C8orf34: variants seen among roughly 807,000 people sequenced by gnomAD.
C8orf34 encodes the protein chromosome 8 open reading frame 34.
C8orf34 carries 65 observed loss-of-function variants against 68.3 expected under a neutral mutation model. The ratio of observed to expected loss-of-function variants is 0.95; its 90% CI spans 0.78 to 1.17. C8orf34 has a LOEUF of 1.17. Among genes scored for constraint, C8orf34 ranks in the 50% most tolerant of loss-of-function variants. The pLI, the probability that C8orf34 is intolerant of heterozygous loss-of-function variation, is 0.00. For synonymous variants in C8orf34, 244 were observed against 241.2 expected, an observed-to-expected ratio of 1.01 and a Z score of -0.11; for missense variants, 664 against 655.4, an observed-to-expected ratio of 1.01 and a Z score of -0.14.
intron 3 of C8orf34, among the ~76,000 whole-genome samples, chr8:68,461,763 G>A (rs1015727111): frequency 2.6e-5 from 4 of 152,122 alleles, no homozygotes; most frequent in East Asian, 1.9e-4. Flanking sequence ...TCACCACCAG[G>A]CCTGCCCTAC....
intron 7 of C8orf34, among the ~76,000 whole-genome samples, chr8:68,622,256 T>C (rs1237435754): frequency 1.3e-5 from 2 of 152,188 alleles, no homozygotes; most frequent in Non-Finnish European, 2.9e-5. Flanking sequence ...TGTAACTGAA[T>C]CACAGAAGTG....
At chr8:68,810,527 C>T (rs1412551620) in intron 12 of C8orf34, among the ~76,000 whole-genome samples, 3 of 152,122 alleles carry the variant, frequency 2.0e-5, no homozygotes, top group African/African-American at 7.2e-5. Flanking sequence ...TCTCGTAGCC[C>T]GCAAGGTGGT....
intron 1 of C8orf34, among the ~76,000 whole-genome samples, chr8:68,409,624 A>T (rs1014193091): frequency 6.6e-6 from 1 of 152,192 alleles, no homozygotes; most frequent in Admixed American, 6.5e-5. Flanking sequence ...CAGTAAGCTA[A>T]GGTTCCTTAA....
chr8:68,747,170 G>A (rs961348663), intron 10 of C8orf34, among the ~76,000 whole-genome samples: 4 of 152,030 alleles, frequency 2.6e-5, no homozygotes, highest in Non-Finnish European at 5.9e-5. Context: ...AAAGGCCTTT[G>A]ACAAAATTCA....
At chr8:68,435,270 GTATA>G (rs576261886) in intron 1 of C8orf34, among the ~76,000 whole-genome samples, 2,414 of 151,524 alleles carry the variant, frequency 0.016, 83 homozygotes, top group African/African-American at 0.054. Context: ...CTTTTTGGGA[GTATA>G]TCACTAAGAG....
intron 8 of C8orf34, among the ~76,000 whole-genome samples, chr8:68,651,164 T>C (rs1483013419): frequency 1.3e-5 from 2 of 152,236 alleles, no homozygotes. Context: ...ATGTGTTTAC[T>C]TTATCTACCT....
intron 7 of C8orf34, among the ~76,000 whole-genome samples, chr8:68,579,896 A>G (rs545676055): frequency 5.3e-5 from 8 of 152,176 alleles, no homozygotes; most frequent in Non-Finnish European, 7.4e-5. Flanking sequence ...CACATTCTCA[A>G]CTTAGCACTC....
intron 3 of C8orf34, among the ~76,000 whole-genome samples, chr8:68,454,015 C>T (rs1401286481): frequency 6.6e-6 from 1 of 151,864 alleles, no homozygotes; most frequent in Admixed American, 6.6e-5. Flanking sequence ...AGTGCTTTTT[C>T]TCGATCAATT....
chr8:68,499,242 T>C (rs750053914), intron 5 of C8orf34, among the ~76,000 whole-genome samples: 5 of 152,174 alleles, frequency 3.3e-5, no homozygotes, highest in Non-Finnish European at 7.4e-5. Flanking sequence ...TCCATGTTGT[T>C]GCAAAGGACA....
intron 4 of C8orf34, among the ~76,000 whole-genome samples, chr8:68,478,543 C>T (rs1812720897): frequency 6.6e-6 from 1 of 152,150 alleles, no homozygotes; most frequent in Non-Finnish European, 1.5e-5. Context: ...CCCCAAACTC[C>T]CAGTATCAAT....
chr8:68,791,485 A>G (rs142888688), intron 12 of C8orf34: 2 of 152,534 alleles, frequency 1.3e-5, no homozygotes, highest in African/African-American at 4.8e-5. Context: ...TGCTTACAAA[A>G]TCAAAACACA....
intron 6 of C8orf34, among the ~76,000 whole-genome samples, chr8:68,522,616 T>C (rs1347007657): frequency 1.3e-5 from 2 of 152,198 alleles, no homozygotes; most frequent in Non-Finnish European, 2.9e-5. Flanking sequence ...CTGGTAATAG[T>C]GAATTAATGT....
chr8:68,409,908 A>C (rs1046965228), intron 1 of C8orf34, among the ~76,000 whole-genome samples: 2 of 152,190 alleles, frequency 1.3e-5, no homozygotes, highest in African/African-American at 4.8e-5. Flanking sequence ...ACCACTGTGT[A>C]ATAATTGCCT....
chr8:68,715,077 A>C (rs1210719647), intron 9 of C8orf34, among the ~76,000 whole-genome samples: 1 of 152,180 alleles, frequency 6.6e-6, no homozygotes, highest in Non-Finnish European at 1.5e-5. Context: ...AGCCACATGT[A>C]GAAGAATGAA....
At chr8:68,811,648 T>G (rs1824656273) in intron 12 of C8orf34, among the ~76,000 whole-genome samples, 1 of 152,168 alleles carries the variant, frequency 6.6e-6, no homozygotes, top group Non-Finnish European at 1.5e-5. Context: ...GCATTCCATT[T>G]CTCCTTAAAG....
At chr8:68,433,930 T>A (rs997693255) in intron 1 of C8orf34, among the ~76,000 whole-genome samples, 4 of 152,196 alleles carry the variant, frequency 2.6e-5, no homozygotes, top group Non-Finnish European at 5.9e-5. Context: ...TAGTTAGTAT[T>A]CATTTTCCAG....
intron 1 of C8orf34, among the ~76,000 whole-genome samples, chr8:68,386,822 T>C (rs1251821920): frequency 2.0e-5 from 3 of 152,058 alleles, no homozygotes; most frequent in Non-Finnish European, 4.4e-5. Flanking sequence ...TCCTGGGCAC[T>C]GTAGGATGTT....
intron 8 of C8orf34, among the ~76,000 whole-genome samples, chr8:68,702,476 T>A (rs149744796): frequency 6.6e-6 from 1 of 152,286 alleles, no homozygotes; most frequent in Admixed American, 6.5e-5. Flanking sequence ...TGCAACGTAT[T>A]CAATTCTTAT....
Position 68,532,996 on chromosome 8 carries a change from C to A in C8orf34, c.952C>A (p.Pro318Thr). 1.3e-6 allele frequency: 2 copies of A among 1,591,052 alleles called. No individual in the cohort carries two copies. The highest frequency in any genetic ancestry group is 1.7e-6 in the Non-Finnish European group (2 of 1,166,874). Residue 318 changes from proline (P) to threonine (T), a missense_variant, in exon 7 of 14, where the codon CCT becomes ACT. Coordinates refer to ENST00000518698, the MANE Select transcript of C8orf34 (RefSeq NM_052958.4). ...SSPAGSLKMEPKNKGLKQQQQ... is the reference protein window; with the variant it reads ...SSPAGSLKMETKNKGLKQQQQ... ...ATATTTCTTCAGCTTAAAGATGGAG[C>A]CTAAGAACAAAGGATTAAAACAGCA...
Sources: allele counts gnomAD v4.1 joint callset (sites outside exome capture counted in the v4.1 genomes callset), GRCh38; gene constraint gnomAD v4.1.1; transcripts MANE v1.5; gene names NCBI Gene and HGNC (gene_info 2026-07-23, HGNC 2026-07-21).